Variants in TBC1D22A observed in about 807,000 individuals in gnomAD.
TBC1D22A encodes TBC1 domain family member 22A.
A neutral mutation model predicts 60.2 loss-of-function variants in TBC1D22A; 38 were observed. The observed-to-expected ratio is 0.63, with a 90% confidence interval of 0.49 to 0.83. TBC1D22A has a LOEUF of 0.83. Among genes scored for constraint, TBC1D22A ranks in the 40% least tolerant of loss-of-function variants. The pLI, the probability that TBC1D22A is intolerant of heterozygous loss-of-function variation, is 0.00. For synonymous variants in TBC1D22A, 302 were observed against 281.7 expected, an observed-to-expected ratio of 1.07 and a Z score of -0.72; for missense variants, 628 against 701.0, an observed-to-expected ratio of 0.90 and a Z score of 1.18.
chr22:46,843,834 G>A (rs112014487), intron 4 of TBC1D22A, among the ~76,000 whole-genome samples: 73 of 152,110 alleles, frequency 4.8e-4, no homozygotes, highest in African/African-American at 1.6e-3. Context: ...ACCTGTGAGC[G>A]TAAACACAGC....
chr22:47,062,535 C>T (rs1016235226), intron 11 of TBC1D22A, among the ~76,000 whole-genome samples: 7 of 152,164 alleles, frequency 4.6e-5, no homozygotes, highest in Non-Finnish European at 8.8e-5. Context: ...GCGTGAGTGC[C>T]GTAGTGATTT....
intron 12 of TBC1D22A, among the ~76,000 whole-genome samples, chr22:47,151,621 T>C (rs1215299910): frequency 6.6e-6 from 1 of 152,196 alleles, no homozygotes; most frequent in Non-Finnish European, 1.5e-5. Flanking sequence ...AGCACTGGGC[T>C]GTGCTGGCTG....
At position 47,071,842 on chromosome 22, in the gene TBC1D22A, G is replaced by A. The variant is rs191139438; in HGVS notation, c.1329+34644G>A. On this transcript the variant is annotated intron_variant, in intron 11 of 12. Coordinates refer to ENST00000337137, the MANE Select transcript of TBC1D22A (RefSeq NM_014346.5). ...ACATCAATCTTGTTATTCTCGGAGT[G>A]GAGAGACAGTTTCTGATTGTGCCTC... is the stretch of plus-strand genomic sequence containing the variant. Among the ~76,000 whole-genome samples the A allele has an allele frequency of 2.9e-3, 441 of 152,270 alleles. 7 individuals are homozygous for A. Among genetic ancestry groups the A allele is most frequent in the Non-Finnish European group, 1.5e-3 (103 of 68,014 alleles).
intron 5 of TBC1D22A, among the ~76,000 whole-genome samples, chr22:46,890,212 G>T (rs1410881784): frequency 6.6e-6 from 1 of 152,066 alleles, no homozygotes; most frequent in African/African-American, 2.4e-5. Flanking sequence ...GGTGGCGGGT[G>T]CCTGTAATCC....
At chr22:47,012,603 TCC>T (rs1345191480) in intron 10 of TBC1D22A, among the ~76,000 whole-genome samples, 2 of 152,184 alleles carry the variant, frequency 1.3e-5, no homozygotes, top group Admixed American at 6.5e-5. Context: ...TCCCGGCTCT[TCC>T]TGCATTCCTT....
intron 8 of TBC1D22A, among the ~76,000 whole-genome samples, chr22:46,948,711 G>T (rs1195422754): frequency 6.6e-6 from 1 of 152,244 alleles, no homozygotes; most frequent in Non-Finnish European, 1.5e-5. Flanking sequence ...CAAGAAGAAA[G>T]AAATGATAGT....
At chr22:46,811,257 A>G (rs550442224) in intron 4 of TBC1D22A, among the ~76,000 whole-genome samples, 2 of 152,266 alleles carry the variant, frequency 1.3e-5, no homozygotes, top group South Asian at 4.2e-4. Flanking sequence ...GCTGTCAGGG[A>G]CAGATTCTGG....
At chr22:46,921,449 A>G (rs1309513847) in intron 8 of TBC1D22A, among the ~76,000 whole-genome samples, 1 of 152,232 alleles carries the variant, frequency 6.6e-6, no homozygotes, top group Non-Finnish European at 1.5e-5. Flanking sequence ...ATAGTATTCC[A>G]TGGTGTATAT....
At chr22:46,896,092 C>T (rs146082942) in intron 7 of TBC1D22A, among the ~76,000 whole-genome samples, 6 of 152,298 alleles carry the variant, frequency 3.9e-5, no homozygotes, top group African/African-American at 1.4e-4. Context: ...GCAGTCCTCA[C>T]GTTTGTTTCT....
chr22:47,085,602 G>T (rs2064650344), intron 11 of TBC1D22A, among the ~76,000 whole-genome samples: 1 of 152,114 alleles, frequency 6.6e-6, no homozygotes, highest in Non-Finnish European at 1.5e-5. Context: ...AAGGAAAATT[G>T]CATTAAGTTA....
At chr22:46,925,224 A>G (rs1569517) in intron 8 of TBC1D22A, among the ~76,000 whole-genome samples, 118,867 of 152,196 alleles carry the variant, frequency 0.78, 46,628 homozygotes, top group Middle Eastern at 0.85. Flanking sequence ...AATGTTCCTC[A>G]TAGCTTAGGT....
intron 10 of TBC1D22A, among the ~76,000 whole-genome samples, chr22:47,005,269 C>T (rs1374674907): frequency 6.6e-6 from 1 of 151,556 alleles, no homozygotes; most frequent in Non-Finnish European, 1.5e-5. Context: ...ACCCCCTACA[C>T]ACATGCCTAT....
intron 9 of TBC1D22A, among the ~76,000 whole-genome samples, chr22:46,992,983 C>G (rs1171043306): frequency 6.6e-6 from 1 of 152,202 alleles, no homozygotes; most frequent in African/African-American, 2.4e-5. Flanking sequence ...GGGGAAGACA[C>G]TATGTTACGG....
At chr22:47,019,889 C>T (rs1334493712) in intron 10 of TBC1D22A, among the ~76,000 whole-genome samples, 1 of 149,862 alleles carries the variant, frequency 6.7e-6, no homozygotes, top group East Asian at 2.0e-4. Flanking sequence ...ACCCTCCATC[C>T]TCTCCTCTCC....
chr22:47,004,660 A>G (rs889193997), intron 10 of TBC1D22A, among the ~76,000 whole-genome samples: 5 of 146,284 alleles, frequency 3.4e-5, no homozygotes, highest in African/African-American at 5.4e-5. Flanking sequence ...TCAGATGCCT[A>G]TATACACACA....
At chr22:47,127,448 C>A (rs1050447078) in intron 12 of TBC1D22A, among the ~76,000 whole-genome samples, 3 of 144,836 alleles carry the variant, frequency 2.1e-5, no homozygotes, top group Non-Finnish European at 3.0e-5. Context: ...TGGTCTCGAA[C>A]CCCTGACCTC....
At position 46,979,222 on chromosome 22, in the gene TBC1D22A, C is replaced by T. The variant is rs115576489; in HGVS notation, c.1125+4823C>T. 4.6e-3 allele frequency among the ~76,000 whole-genome samples: 705 copies of T among 152,238 alleles called. 4 individuals carry two copies. Among genetic ancestry groups the T allele is most frequent in the African/African-American group, 0.016 (662 of 41,516 alleles). On this transcript the variant is annotated intron_variant, in intron 9 of 12. Transcript: ENST00000337137. The stretch of plus-strand genomic sequence containing the variant: ...GATCAAATTTGTTAGTATATTACCA[C>T]CGTCTCATAAGAAGCAGCTGTCAGG...
chr22:46,819,873 T>A, intron 4 of TBC1D22A, among the ~76,000 whole-genome samples: 1 of 152,206 alleles, frequency 6.6e-6, no homozygotes, highest in East Asian at 1.9e-4. Context: ...GTCCTGGACT[T>A]TTTTTGGTTG....
chr22:47,157,965 G>T (rs1247553988), intron 12 of TBC1D22A, among the ~76,000 whole-genome samples: 1 of 152,166 alleles, frequency 6.6e-6, no homozygotes, highest in Non-Finnish European at 1.5e-5. Context: ...GGGCGTCGTG[G>T]CTCTTAACTG....
Sources: allele counts gnomAD v4.1 joint callset (sites outside exome capture counted in the v4.1 genomes callset), GRCh38; gene constraint gnomAD v4.1.1; transcripts MANE v1.5; gene names NCBI Gene and HGNC (gene_info 2026-07-23, HGNC 2026-07-21).